Variants in SLC16A7 observed in about 807,000 individuals in gnomAD.
SLC16A7 encodes the protein monocarboxylate transporter 2.
Under a neutral mutation model 34.9 loss-of-function variants are expected in SLC16A7, and 33 were observed. That is an observed-to-expected ratio of 0.94 (90% CI 0.72 to 1.26). The LOEUF (loss-of-function observed/expected upper bound fraction) is 1.26. SLC16A7 is among the 50% of genes most tolerant of loss of function. The probability of loss-of-function intolerance (pLI) is 0.00; values close to 1 mark genes in which losing one functional copy is unlikely to be tolerated. For missense variants in SLC16A7, 573 were observed against 578.1 expected (o/e 0.99, Z 0.09); for synonymous variants, 201 against 206.6 (o/e 0.97, Z 0.23).
At chr12:59,612,277 G>T (rs970748093) in intron 1 of SLC16A7, among the ~76,000 whole-genome samples, 2 of 152,256 alleles carry the variant, frequency 1.3e-5, no homozygotes, top group Non-Finnish European at 2.9e-5. Context: ...AAAACCACGT[G>T]TAAGACGCCA....
At chr12:59,748,614 C>T (rs985100441) in intron 3 of SLC16A7, among the ~76,000 whole-genome samples, 7 of 152,126 alleles carry the variant, frequency 4.6e-5, no homozygotes, top group East Asian at 3.9e-4. Flanking sequence ...AGACTGAAGT[C>T]GGCTACTGTA....
At chr12:59,650,738 G>GGAA (rs1297144397) in intron 1 of SLC16A7, among the ~76,000 whole-genome samples, 1 of 152,076 alleles carries the variant, frequency 6.6e-6, no homozygotes, top group African/African-American at 2.4e-5. Context: ...GGTGCCTGTG[G>GGAA]GAAGGGTGGA....
intron 3 of SLC16A7, among the ~76,000 whole-genome samples, chr12:59,714,797 T>C (rs1445418587): frequency 6.6e-6 from 1 of 152,136 alleles, no homozygotes; most frequent in South Asian, 2.1e-4. Flanking sequence ...ACTCCTGACC[T>C]CAGGTGATCC....
At chr12:59,671,805 ATGTG>A (rs1592464850) in intron 2 of SLC16A7, among the ~76,000 whole-genome samples, 1 of 141,704 alleles carries the variant, frequency 7.1e-6, no homozygotes, top group African/African-American at 2.6e-5. Flanking sequence ...ATATGTATAT[ATGTG>A]TATATATATG....
intron 3 of SLC16A7, chr12:59,761,209 G>A: frequency 8.5e-7 from 1 of 1,172,034 alleles, no homozygotes; most frequent in Non-Finnish European, 1.1e-6. Flanking sequence ...CTAGGTACAT[G>A]AAACTGTATT....
chr12:59,754,812 A>C (rs1880093065), intron 3 of SLC16A7, among the ~76,000 whole-genome samples: 2 of 152,166 alleles, frequency 1.3e-5, no homozygotes, highest in African/African-American at 4.8e-5. Context: ...CAAAAAAGAG[A>C]ATTTTAGACC....
At chr12:59,720,529 A>G (rs1760570039) in intron 3 of SLC16A7, among the ~76,000 whole-genome samples, 1 of 152,214 alleles carries the variant, frequency 6.6e-6, no homozygotes, top group Admixed American at 6.6e-5. Context: ...TTTTTCTACA[A>G]TATAGGGGAA....
intron 3 of SLC16A7, among the ~76,000 whole-genome samples, chr12:59,726,322 A>C (rs1029593204): frequency 6.6e-6 from 1 of 152,170 alleles, no homozygotes. Context: ...TAAAGAATCA[A>C]TATTTTTAAA....
rs9705753 is a variant in SLC16A7 at position 59,756,819 on chromosome 12, C to A, written c.218-14400C>A. On this transcript the variant is annotated intron_variant, in intron 3 of 5. Transcript: ENST00000547379. ...GACACATGCACACGTATATTTATTG[C>A]GGCACTATTCACAATAGCAAAGACT... Among the ~76,000 whole-genome samples the A allele has an allele frequency of 2.3e-5, 3 of 129,280 alleles. 1 individual carries two copies. Among genetic ancestry groups the A allele is most frequent in the African/African-American group, 9.7e-5 (3 of 30,884 alleles). The allele number at this position is 129,280 out of a possible 152,430, so 84.8% of individuals were successfully genotyped here.
intron 3 of SLC16A7, among the ~76,000 whole-genome samples, chr12:59,768,699 A>G (rs1307205972): frequency 6.6e-6 from 1 of 152,128 alleles, no homozygotes; most frequent in Non-Finnish European, 1.5e-5. Context: ...TGTTTGTCTT[A>G]TTTTAAGCAA....
In SLC16A7 at chr12:59,645,675, G is replaced by A. The variant is rs148248154; in HGVS notation, c.-129-9477G>A. Among the ~76,000 whole-genome samples the A allele has an allele frequency of 8.6e-4, 131 of 152,212 alleles. 1 individual carries two copies. Among genetic ancestry groups the A allele is most frequent in the Non-Finnish European group, 1.6e-3 (107 of 68,008 alleles). The stretch of plus-strand genomic sequence containing the variant: ...AGTAAATTAGAACCACAGAGAGTGG[G>A]GTGCTGCTATAAGGATACCCAAAAA... On this transcript the variant is annotated intron_variant, in intron 1 of 5. Transcript: ENST00000547379.
chr12:59,669,113 C>T (rs1379400532), intron 2 of SLC16A7, among the ~76,000 whole-genome samples: 1 of 152,080 alleles, frequency 6.6e-6, no homozygotes, highest in Non-Finnish European at 1.5e-5. Context: ...ATTACCAGTT[C>T]TCATTTAGAT....
chr12:59,684,949 T>C (rs1055752373), intron 2 of SLC16A7, among the ~76,000 whole-genome samples: 1 of 152,126 alleles, frequency 6.6e-6, no homozygotes, highest in African/African-American at 2.4e-5. Context: ...TTGTTACTTC[T>C]AATTTGGTGT....
At chr12:59,712,545 G>C (rs1266625104) in intron 3 of SLC16A7, among the ~76,000 whole-genome samples, 1 of 152,126 alleles carries the variant, frequency 6.6e-6, no homozygotes, top group South Asian at 2.1e-4. Context: ...TACACTTAAG[G>C]GCACAGGCAT....
At chr12:59,729,957 C>A (rs1211113120) in intron 3 of SLC16A7, among the ~76,000 whole-genome samples, 1 of 152,148 alleles carries the variant, frequency 6.6e-6, no homozygotes, top group Non-Finnish European at 1.5e-5. Flanking sequence ...ACTTAATGAG[C>A]ATCTCTTATT....
At position 59,789,552 on chromosome 12, in the gene SLC16A7, G is replaced by T. The variant is rs1357707288; in HGVS notation, c.*9873G>T. 1 of 152,186 alleles carries T rather than the reference G, an allele frequency of 6.6e-6. No individual in the cohort carries two copies. The highest frequency in any genetic ancestry group is 1.9e-4 in the East Asian group (1 of 5,184). The allele number at this position is 152,186 out of a possible 1,614,324, so 9.4% of individuals were successfully genotyped here. A position where few individuals can be genotyped will look rare whatever the true frequency, so the allele number is the denominator to read the frequency against. On this transcript the variant is annotated 3_prime_UTR_variant, in exon 6 of 6. Transcript: ENST00000547379. Reference sequence around the variant, plus strand: ...TTTTCAACATTGACCTTGATCATAAGTGCTTCTATCTGCTGAGCTTTATTT... The same window carrying T: ...TTTTCAACATTGACCTTGATCATAATTGCTTCTATCTGCTGAGCTTTATTT...
chr12:59,711,670 C>T (rs1874240694), intron 3 of SLC16A7, among the ~76,000 whole-genome samples: 1 of 152,092 alleles, frequency 6.6e-6, no homozygotes. Context: ...AGAGGTGCAC[C>T]ACCATGCCCA....
At chr12:59,604,308 C>A (rs1878830695) in intron 1 of SLC16A7, among the ~76,000 whole-genome samples, 1 of 152,218 alleles carries the variant, frequency 6.6e-6, no homozygotes, top group Non-Finnish European at 1.5e-5. Flanking sequence ...CAGGGCTGAA[C>A]TTTCCTTTCT....
At chr12:59,617,758 C>T (rs1007674788) in intron 1 of SLC16A7, among the ~76,000 whole-genome samples, 1 of 151,890 alleles carries the variant, frequency 6.6e-6, no homozygotes, top group Non-Finnish European at 1.5e-5. Context: ...CTGGCCTAAT[C>T]GACTCAAATA....
Sources: allele counts gnomAD v4.1 joint callset (sites outside exome capture counted in the v4.1 genomes callset), GRCh38; gene constraint gnomAD v4.1.1; transcripts MANE v1.5; gene names NCBI Gene and HGNC (gene_info 2026-07-23, HGNC 2026-07-21).